CTNNA3: variants seen among roughly 807,000 people sequenced by gnomAD.
CTNNA3 encodes catenin alpha-3.
Under a neutral mutation model 95.7 loss-of-function variants are expected in CTNNA3, and 76 were observed. That is an observed-to-expected ratio of 0.79 (90% CI 0.66 to 0.96). The LOEUF is 0.96. CTNNA3 is among the 40% of genes least tolerant of loss of function. The probability of loss-of-function intolerance (pLI) is 0.00; values close to 1 mark genes in which losing one functional copy is unlikely to be tolerated. For synonymous variants in CTNNA3, 431 were observed against 374.4 expected (o/e 1.15, Z -1.74); for missense variants, 1,191 against 1,089.8 (o/e 1.09, Z -1.31).
intron 11 of CTNNA3, among the ~76,000 whole-genome samples, chr10:66,387,154 C>G (rs1246581486): frequency 6.6e-6 from 1 of 152,064 alleles, no homozygotes; most frequent in East Asian, 1.9e-4. Context: ...TCGGCGTGAA[C>G]AGGCAACCTA....
intron 3 of CTNNA3, among the ~76,000 whole-genome samples, chr10:67,576,562 T>C (rs1338124425): frequency 6.6e-6 from 1 of 151,176 alleles, no homozygotes; most frequent in East Asian, 1.9e-4. Flanking sequence ...TTTTATTTTA[T>C]TATTATTATA....
intron 3 of CTNNA3, among the ~76,000 whole-genome samples, chr10:67,555,271 T>A (rs1163556961): frequency 1.3e-5 from 2 of 152,142 alleles, no homozygotes; most frequent in African/African-American, 4.8e-5. Context: ...TTTAAGTAGT[T>A]TTTTTCCAAT....
chr10:66,891,773 T>C (rs930590178), intron 7 of CTNNA3, among the ~76,000 whole-genome samples: 5 of 152,138 alleles, frequency 3.3e-5, no homozygotes, highest in African/African-American at 1.2e-4. Context: ...TGTATGTATA[T>C]AAAGCTTAGC....
chr10:67,432,334 A>G (rs953053654), intron 5 of CTNNA3, among the ~76,000 whole-genome samples: 6 of 152,052 alleles, frequency 3.9e-5, no homozygotes, highest in South Asian at 2.1e-4. Flanking sequence ...CTATGTTTCT[A>G]TTAGTTTCCT....
chr10:67,189,924 C>A (rs1242123942), intron 6 of CTNNA3, among the ~76,000 whole-genome samples: 1 of 151,986 alleles, frequency 6.6e-6, no homozygotes, highest in Non-Finnish European at 1.5e-5. Context: ...TTTTAAAATA[C>A]AAAAGATGTA....
At chr10:66,699,219 T>C (rs1000161357) in intron 9 of CTNNA3, among the ~76,000 whole-genome samples, 3 of 152,168 alleles carry the variant, frequency 2.0e-5, no homozygotes, top group Non-Finnish European at 4.4e-5. Flanking sequence ...TTTCATTTCC[T>C]CTGGATATAT....
chr10:67,590,994 A>C (rs981925212), intron 3 of CTNNA3, among the ~76,000 whole-genome samples: 7 of 152,072 alleles, frequency 4.6e-5, no homozygotes, highest in Admixed American at 3.3e-4. Context: ...GTAAAAAAAA[A>C]CTCTTATTTT....
At chr10:66,010,659 AG>A (rs2078989280) in intron 15 of CTNNA3, among the ~76,000 whole-genome samples, 1 of 152,198 alleles carries the variant, frequency 6.6e-6, no homozygotes, top group African/African-American at 2.4e-5. Context: ...ATGGCTCCCA[AG>A]GATCACTGAA....
chr10:67,034,998 A>G (rs2394319), intron 7 of CTNNA3, among the ~76,000 whole-genome samples: 133,893 of 152,204 alleles, frequency 0.88, 59,120 homozygotes, highest in Admixed American at 0.94. Flanking sequence ...CCGTTCAGAA[A>G]TCACTTATTT....
chr10:67,608,335 C>T (rs904878821), intron 2 of CTNNA3, among the ~76,000 whole-genome samples: 2 of 152,114 alleles, frequency 1.3e-5, no homozygotes, highest in African/African-American at 4.8e-5. Flanking sequence ...ATGTAGATTG[C>T]TGGCTTAAAA....
At chr10:66,839,253 T>C (rs1842972057) in intron 7 of CTNNA3, among the ~76,000 whole-genome samples, 1 of 152,166 alleles carries the variant, frequency 6.6e-6, no homozygotes, top group South Asian at 2.1e-4. Context: ...TGACCACTGC[T>C]GATTACCTAC....
intron 7 of CTNNA3, among the ~76,000 whole-genome samples, chr10:66,895,054 C>CAAA (rs537843933): frequency 0.019 from 2,209 of 115,482 alleles, 58 homozygotes; most frequent in African/African-American, 0.064. Flanking sequence ...AACAAATAAA[C>CAAA]AAAAAAAAAA....
intron 9 of CTNNA3, among the ~76,000 whole-genome samples, chr10:66,706,335 T>C (rs1848115507): frequency 6.6e-6 from 1 of 151,864 alleles, no homozygotes; most frequent in Non-Finnish European, 1.5e-5. Context: ...AATCTACTCA[T>C]TGTTGTCAAA....
intron 5 of CTNNA3, among the ~76,000 whole-genome samples, chr10:67,238,738 A>G (rs1865603461): frequency 6.6e-6 from 1 of 152,132 alleles, no homozygotes; most frequent in Non-Finnish European, 1.5e-5. Context: ...TTAAATCTGG[A>G]GATACTAGGT....
intron 11 of CTNNA3, among the ~76,000 whole-genome samples, chr10:66,401,799 C>T (rs1377961515): frequency 6.6e-6 from 1 of 151,516 alleles, no homozygotes; most frequent in Non-Finnish European, 1.5e-5. Context: ...GCTGGGATTA[C>T]AGGTGCCCAC....
At chr10:66,717,477 G>T (rs762577086) in intron 9 of CTNNA3, among the ~76,000 whole-genome samples, 2 of 152,122 alleles carry the variant, frequency 1.3e-5, no homozygotes, top group Non-Finnish European at 2.9e-5. Flanking sequence ...GTGTGCAGAG[G>T]CTGTGTTATC....
rs187022473 is a variant in CTNNA3 at position 67,742,337 on chromosome 10, A to G, written c.-2+21097T>C. Reference sequence around the variant, plus strand: ...CGGTGCAATCAAACTAGAACTCAGGATTAAGAAACTCACTCAAAACCACTC... The same window carrying G: ...CGGTGCAATCAAACTAGAACTCAGGGTTAAGAAACTCACTCAAAACCACTC... On this transcript the variant is annotated intron_variant, in intron 1 of 17. Transcript: ENST00000684154. Among the ~76,000 whole-genome samples, 760 of 151,496 alleles carry G rather than the reference A, an allele frequency of 5.0e-3. 19 individuals are homozygous for G. The highest frequency in any genetic ancestry group is 0.017 in the African/African-American group (714 of 41,450).
intron 13 of CTNNA3, among the ~76,000 whole-genome samples, chr10:66,120,034 C>A (rs575071531): frequency 6.6e-6 from 1 of 152,310 alleles, no homozygotes; most frequent in East Asian, 1.9e-4. Flanking sequence ...GTAAGGCACA[C>A]TTTTCATTCT....
chr10:66,623,393 CT>C (rs1462679421), intron 9 of CTNNA3, among the ~76,000 whole-genome samples: 2 of 152,048 alleles, frequency 1.3e-5, no homozygotes, highest in African/African-American at 2.4e-5. Flanking sequence ...CTTATATTTA[CT>C]GTATCCTCAT....
Sources: allele counts gnomAD v4.1 joint callset (sites outside exome capture counted in the v4.1 genomes callset), GRCh38; gene constraint gnomAD v4.1.1; transcripts MANE v1.5; gene names NCBI Gene and HGNC (gene_info 2026-07-23, HGNC 2026-07-21).